SYCP3: variants seen among roughly 807,000 people sequenced by gnomAD.
The protein encoded by SYCP3 is synaptonemal complex protein 3.
SYCP3 carries 29 observed loss-of-function variants against 38.5 expected under a neutral mutation model. The observed-to-expected ratio is 0.75, with a 90% CI of 0.56 to 1.03. The LOEUF is 1.03. Among genes scored for constraint, SYCP3 ranks in the 50% least tolerant of loss-of-function variants. SYCP3 has a pLI of 0.00. For missense variants in SYCP3, 242 were observed against 270.7 expected (o/e 0.89, Z 0.74); for synonymous variants, 79 against 80.3 (o/e 0.98, Z 0.08).
chr12:101,737,332 T>G, intron 2 of SYCP3, 34 bp from the exon 3 acceptor site: 1 of 1,379,964 alleles, frequency 7.2e-7, no homozygotes, highest in African/African-American at 1.4e-5. Context: ...AAAAAAAAGC[T>G]TTTGAAACTG....
chr12:101,734,517 G>C (rs1446299733), intron 5 of SYCP3, among the ~76,000 whole-genome samples: 1 of 152,074 alleles, frequency 6.6e-6, no homozygotes, highest in Non-Finnish European at 1.5e-5. Context: ...GAGGTTATAG[G>C]GCTACAGGAC....
chr12:101,732,668 CTTTTTTTTTT>C (rs549684402), intron 6 of SYCP3: 1 of 136,282 alleles, frequency 7.3e-6, no homozygotes, highest in African/African-American at 2.7e-5. Flanking sequence ...TTTCTTTTTT[CTTTTTTTTTT>C]TTTTTCAAGA....
intron 7 of SYCP3, chr12:101,730,620 A>G (rs1952151873): frequency 6.2e-6 from 2 of 324,704 alleles, no homozygotes; most frequent in African/African-American, 2.3e-5. Context: ...CAGCCTTCCC[A>G]GTAGCTGGGA....
intron 7 of SYCP3, 176 bp from the exon 8 acceptor site, chr12:101,729,389 A>C: frequency 1.6e-6 from 1 of 634,604 alleles, no homozygotes; most frequent in African/African-American, 1.8e-5. Context: ...AAAAGAAAAA[A>C]TATAAGACAT....
chr12:101,731,582 C>A lies in SYCP3; in HGVS notation c.538G>T (p.Glu180Ter). The change falls in exon 7 of 9, where the codon GAG becomes TAG. Residue 180 changes from glutamate to a stop codon, truncating the protein, a stop_gained. Coordinates refer to ENST00000392924, the MANE Select transcript of SYCP3 (RefSeq NM_001177949.2). LOFTEE classifies it high-confidence loss of function. ...ATACAACAAACCTTTATGAACTGCT[C>A]ATATAACTGTTTAATTGTTTTCAAT... is the stretch of plus-strand genomic sequence containing the variant. Reference protein sequence around the residue: ...QRLKTIKQLYEQFIKSMEELE... With the variant: ...QRLKTIKQLY The A allele has an allele frequency of 6.2e-7, 1 of 1,604,372 alleles. No homozygotes were observed. The highest frequency in any genetic ancestry group is 1.1e-5 in the South Asian group (1 of 89,166).
intron 6 of SYCP3, chr12:101,732,661 CTTTTTTCT>C (rs904494531): frequency 2.7e-5 from 4 of 146,674 alleles, no homozygotes; most frequent in African/African-American, 1.0e-4. Context: ...TGCATTTTTT[CTTTTTTCT>C]TTTTTTTTTT....
chr12:101,731,736 T>C, intron 6 of SYCP3, 70 bp from the exon 7 acceptor site: 1 of 1,112,890 alleles, frequency 9.0e-7, no homozygotes, highest in Non-Finnish European at 1.3e-6. Context: ...GAAAAAATAA[T>C]TCTACATTAA....
At chr12:101,729,544 C>G (rs1341461766) in intron 7 of SYCP3, 4 of 232,236 alleles carry the variant, frequency 1.7e-5, no homozygotes, top group East Asian at 1.2e-4. Context: ...AAGCAATAAT[C>G]TACTTATGAC....
At position 101,734,941 on chromosome 12, in the gene SYCP3, T is replaced by A; in HGVS notation, c.339A>T (p.Thr113=). Reference sequence around the variant, plus strand: ...AACCACCTTACCTTTGATCTTGTTGTGTTTTCCAAACATGTTCAATTTTCT... The same window carrying A: ...AACCACCTTACCTTTGATCTTGTTGAGTTTTCCAAACATGTTCAATTTTCT... ...SNQKIEHVWK[T]QQDQRQKLNQ... Residue 113 remains threonine, a synonymous_variant, in exon 5 of 9, where the codon ACA becomes ACT. Coordinates refer to ENST00000392924, the MANE Select transcript of SYCP3 (RefSeq NM_001177949.2). 6.2e-7 allele frequency: 1 copy of A among 1,610,366 alleles called. No individual in the cohort carries two copies. The highest frequency in any genetic ancestry group is 1.7e-4 in the Middle Eastern group (1 of 6,060).
At chr12:101,731,757 A>C (rs1952201366) in intron 6 of SYCP3, 91 bp from the exon 7 acceptor site, 3 of 919,084 alleles carry the variant, frequency 3.3e-6, no homozygotes, top group South Asian at 3.6e-5. Context: ...ACTTAAAAGA[A>C]AGTGTTAAAA....
At position 101,728,907 on chromosome 12, in the gene SYCP3, G is replaced by A. The variant is rs114852578; in HGVS notation, c.*20C>T. 2.5e-6 allele frequency: 4 copies of A among 1,613,410 alleles called. No homozygotes were observed. Among genetic ancestry groups the A allele is most frequent in the Non-Finnish European group, 2.5e-6 (3 of 1,179,644 alleles). On this transcript the variant is annotated 3_prime_UTR_variant, in exon 9 of 9. Transcript: ENST00000392924. ...ATTGTATCATATTACTTAGGTTCAA[G>A]TTCTTTCTTCAAAGAGTCATCAGAA...
intron 4 of SYCP3, among the ~76,000 whole-genome samples, chr12:101,735,303 C>G (rs11110987): frequency 0.1 from 15,520 of 151,940 alleles, 910 homozygotes; most frequent in Middle Eastern, 0.2. Flanking sequence ...TAAAAAAGAG[C>G]TAATAAACAA....
chr12:101,736,372 G>C (rs116162079), intron 4 of SYCP3, among the ~76,000 whole-genome samples: 1 of 151,594 alleles, frequency 6.6e-6, no homozygotes, highest in South Asian at 2.1e-4. Flanking sequence ...TTTCACCACC[G>C]GACAGAGCAA....
At chr12:101,730,681 T>C (rs937966934) in intron 7 of SYCP3, 37 of 272,646 alleles carry the variant, frequency 1.4e-4, no homozygotes, top group African/African-American at 7.7e-4. Flanking sequence ...TTGTTTGTTC[T>C]TAATAGAGAT....
intron 1 of SYCP3, among the ~76,000 whole-genome samples, chr12:101,738,730 C>T (rs1049540722): frequency 6.6e-6 from 1 of 152,186 alleles, no homozygotes; most frequent in East Asian, 1.9e-4. Flanking sequence ...AGTGAGACTT[C>T]GTCTCAATCA....
At chr12:101,729,021 T>C (rs755582399) in intron 8 of SYCP3, 41 bp from the exon 9 acceptor site, 3 of 1,612,316 alleles carry the variant, frequency 1.9e-6, no homozygotes, top group Admixed American at 1.7e-5. Flanking sequence ...GTTTAATTTT[T>C]ATTTAAGTGT....
Position 101,731,413 on chromosome 12 carries a change from A to G in SYCP3, c.552+155T>C, listed in dbSNP as rs564978480. Among the ~76,000 whole-genome samples, 305 of 152,310 alleles carry G rather than the reference A, an allele frequency of 2.0e-3. 2 individuals are homozygous for G. Among genetic ancestry groups the G allele is most frequent in the Non-Finnish European group, 3.7e-3 (252 of 67,990 alleles). On this transcript the variant is annotated intron_variant, in intron 7 of 8. Coordinates refer to ENST00000392924, the MANE Select transcript of SYCP3 (RefSeq NM_001177949.2). ...ACCATTTGAATCCTCAAGTAAAAAT[A>G]TATTTATCACTTAAATCAGAAACAA...
In SYCP3 at chr12:101,728,791, G is replaced by A; in HGVS notation, c.*136C>T. 1 of 1,243,730 alleles carries A rather than the reference G, an allele frequency of 8.0e-7. No individual in the cohort carries two copies. Among genetic ancestry groups the A allele is most frequent in the Middle Eastern group, 2.7e-4 (1 of 3,640 alleles). The allele number at this position is 1,243,730 out of a possible 1,614,324, so 77.0% of individuals were successfully genotyped here. Reference sequence around the variant, plus strand: ...TATTTAGATTTGACTTAACAGAAAGGGAGGTCTTACAATGAAACAGGTTTA... The same window carrying A: ...TATTTAGATTTGACTTAACAGAAAGAGAGGTCTTACAATGAAACAGGTTTA... On this transcript the variant is annotated 3_prime_UTR_variant, in exon 9 of 9. Coordinates refer to ENST00000392924, the MANE Select transcript of SYCP3 (RefSeq NM_001177949.2).
intron 6 of SYCP3, chr12:101,732,606 A>C: frequency 6.6e-6 from 1 of 151,956 alleles, no homozygotes; most frequent in Middle Eastern, 3.2e-3. Flanking sequence ...TACCTAACAC[A>C]ATGTAAATGC....
Sources: gnomAD v4.1 joint callset for allele counts (sites outside exome capture counted in the v4.1 genomes callset) on GRCh38, gnomAD v4.1.1 for gene constraint, MANE v1.5 for transcripts, NCBI Gene and HGNC (gene_info 2026-07-23, HGNC 2026-07-21) for gene names.